Variants in RBFOX1 observed in about 807,000 individuals in gnomAD.
The protein encoded by RBFOX1 is RNA binding protein fox-1 homolog 1.
A neutral mutation model predicts 57.7 loss-of-function variants in RBFOX1; 8 were observed. The observed-to-expected ratio is 0.14, with a 90% CI of 0.08 to 0.25. The LOEUF is 0.25. Ranked by LOEUF, RBFOX1 falls within the 10% of genes least tolerant of loss-of-function variation. The probability of loss-of-function intolerance (pLI) is 1.00; values close to 1 mark genes in which losing one functional copy is unlikely to be tolerated. For synonymous variants in RBFOX1, 326 were observed against 222.4 expected, an observed-to-expected ratio of 1.47 and a Z score of -4.15; for missense variants, 611 against 548.5, an observed-to-expected ratio of 1.11 and a Z score of -1.14.
chr16:7,280,199 G>C (rs974857998), intron 4 of RBFOX1, among the ~76,000 whole-genome samples: 1 of 152,188 alleles, frequency 6.6e-6, no homozygotes, highest in Non-Finnish European at 1.5e-5. Context: ...AAATTCAGCT[G>C]TTTTCCTCAT....
chr16:6,526,857 A>AAAAAAAAAAAAC (rs1567560941), intron 2 of RBFOX1, among the ~76,000 whole-genome samples: 21 of 130,420 alleles, frequency 1.6e-4, no homozygotes, highest in African/African-American at 6.9e-4. Context: ...AAAAAAAAAA[A>AAAAAAAAAAAAC]AACAACCAGA....
At chr16:6,807,229 A>G (rs563451425) in intron 3 of RBFOX1, among the ~76,000 whole-genome samples, 2 of 152,212 alleles carry the variant, frequency 1.3e-5, no homozygotes, top group South Asian at 4.2e-4. Context: ...CAGTAGTTCA[A>G]GTGACAGCTG....
intron 1 of RBFOX1, among the ~76,000 whole-genome samples, chr16:6,253,981 G>T (rs80272884): frequency 2.0e-5 from 3 of 152,072 alleles, no homozygotes; most frequent in Non-Finnish European, 2.9e-5. Context: ...CTCTTATAAA[G>T]AACCAGGGAA....
chr16:6,043,318 G>A (rs370142073), intron 1 of RBFOX1, among the ~76,000 whole-genome samples: 4 of 152,078 alleles, frequency 2.6e-5, no homozygotes, highest in Non-Finnish European at 5.9e-5. Context: ...AGTCCTGGCT[G>A]CATTCATGGA....
At chr16:6,158,447 C>A (rs17215179) in intron 1 of RBFOX1, among the ~76,000 whole-genome samples, 2 of 152,064 alleles carry the variant, frequency 1.3e-5, no homozygotes, top group Admixed American at 6.6e-5. Flanking sequence ...TGATTTTTCC[C>A]TCGTAAAGAA....
chr16:7,289,636 A>G (rs373300581), intron 4 of RBFOX1, among the ~76,000 whole-genome samples: 1 of 152,288 alleles, frequency 6.6e-6, no homozygotes. Context: ...CACCATGATC[A>G]TGATCATCAT....
intron 3 of RBFOX1, among the ~76,000 whole-genome samples, chr16:7,032,284 A>G (rs2043003262): frequency 6.6e-6 from 1 of 151,868 alleles, no homozygotes; most frequent in Admixed American, 6.6e-5. Flanking sequence ...AACAAAAACA[A>G]AACAAAAAAA....
chr16:6,029,791 A>AAC (rs1555478561), intron 1 of RBFOX1, among the ~76,000 whole-genome samples: 2 of 149,050 alleles, frequency 1.3e-5, no homozygotes, highest in South Asian at 4.3e-4. Flanking sequence ...AAAAAAAAAA[A>AAC]GGGGAAAGAA....
At position 5,860,002 on chromosome 16, in the gene RBFOX1, G is replaced by A. The variant is rs545039979; in HGVS notation, c.319-7301G>A. Among the ~76,000 whole-genome samples, 12 of 152,308 alleles carry A rather than the reference G, an allele frequency of 7.9e-5. No homozygotes were observed. In the South Asian group the frequency reaches 1.5e-3, roughly 18 times the overall value. On this transcript the variant is annotated intron_variant, in intron 3 of 19. Transcript: ENST00000641259. ...ACCTAGATGTAGCCTCTGCAACAAG[G>A]CTATCTTAGGATAGTCAAAATTCTG...
At chr16:6,867,532 A>T (rs188629566) in intron 3 of RBFOX1, among the ~76,000 whole-genome samples, 1 of 152,146 alleles carries the variant, frequency 6.6e-6, no homozygotes, top group Admixed American at 6.6e-5. Flanking sequence ...CAGCCTGGCC[A>T]ACATGGCAAA....
intron 2 of RBFOX1, among the ~76,000 whole-genome samples, chr16:5,556,543 GCTC>G (rs1162193539): frequency 1.3e-5 from 2 of 152,186 alleles, no homozygotes; most frequent in Non-Finnish European, 2.9e-5. Flanking sequence ...GGAAGTGACA[GCTC>G]TCCAAGACGG....
intron 4 of RBFOX1, among the ~76,000 whole-genome samples, chr16:7,456,985 G>A (rs1448650177): frequency 6.6e-6 from 1 of 152,058 alleles, no homozygotes; most frequent in Non-Finnish European, 1.5e-5. Flanking sequence ...CTGCCTCCTG[G>A]ATCCAAGCAA....
intron 2 of RBFOX1, among the ~76,000 whole-genome samples, chr16:5,567,634 G>GC (rs1168836995): frequency 9.6e-5 from 1 of 10,446 alleles, no homozygotes; most frequent in Non-Finnish European, 1.9e-4. Context: ...CAGGTTATAG[G>GC]CAAAAAAAAA....
intron 2 of RBFOX1, among the ~76,000 whole-genome samples, chr16:6,653,462 G>T (rs2098615587): frequency 6.6e-6 from 1 of 152,142 alleles, no homozygotes; most frequent in Admixed American, 6.5e-5. Flanking sequence ...TGCCACTATT[G>T]CTTGTGGGAC....
At chr16:6,932,636 C>A (rs1185386763) in intron 3 of RBFOX1, among the ~76,000 whole-genome samples, 5 of 152,198 alleles carry the variant, frequency 3.3e-5, no homozygotes, top group Non-Finnish European at 7.3e-5. Context: ...CATCTAGCCC[C>A]AGGCATCTTT....
At chr16:7,059,992 T>G (rs1404759493) in intron 4 of RBFOX1, among the ~76,000 whole-genome samples, 1 of 152,184 alleles carries the variant, frequency 6.6e-6, no homozygotes, top group African/African-American at 2.4e-5. Context: ...CTGTAAAATA[T>G]TAGTGGAAAA....
intron 2 of RBFOX1, among the ~76,000 whole-genome samples, chr16:6,478,427 ATATTTTTTTTTTTT>A (rs1158327164): frequency 1.1e-3 from 14 of 12,714 alleles, no homozygotes; most frequent in African/African-American, 4.0e-3. Flanking sequence ...ATATATATAT[ATATTTTTTTTTTTT>A]TTTTTTGTAT....
At chr16:6,214,091 G>C (rs1007889285) in intron 1 of RBFOX1, among the ~76,000 whole-genome samples, 1 of 152,158 alleles carries the variant, frequency 6.6e-6, no homozygotes, top group African/African-American at 2.4e-5. Context: ...TTCACTCCAA[G>C]AGCATGAGTG....
intron 1 of RBFOX1, among the ~76,000 whole-genome samples, chr16:5,275,606 A>C (rs2063121321): frequency 6.6e-6 from 1 of 152,256 alleles, no homozygotes; most frequent in African/African-American, 2.4e-5. Context: ...AAATGACCAT[A>C]CTGCCAAAAG....
Sources: allele counts gnomAD v4.1 joint callset (sites outside exome capture counted in the v4.1 genomes callset), GRCh38; gene constraint gnomAD v4.1.1; transcripts MANE v1.5; gene names NCBI Gene and HGNC (gene_info 2026-07-23, HGNC 2026-07-21).